TMEM132D: variants seen among roughly 807,000 people sequenced by gnomAD.
TMEM132D encodes transmembrane protein 132D.
TMEM132D carries 21 observed loss-of-function variants against 62.3 expected under a neutral mutation model. The observed-to-expected ratio is 0.34, with a 90% CI of 0.24 to 0.49. The LOEUF (loss-of-function observed/expected upper bound fraction) is 0.49. Ranked by LOEUF, TMEM132D falls within the 20% of genes least tolerant of loss-of-function variation. The probability of loss-of-function intolerance (pLI) is 0.99; values close to 1 mark genes in which losing one functional copy is unlikely to be tolerated. For synonymous variants in TMEM132D, 621 were observed against 575.6 expected (o/e 1.08, Z -1.13); for missense variants, 1,346 against 1,402.8 (o/e 0.96, Z 0.65).
At chr12:129,401,539 A>G (rs1400136299) in intron 3 of TMEM132D, among the ~76,000 whole-genome samples, 1 of 152,154 alleles carries the variant, frequency 6.6e-6, no homozygotes, top group Non-Finnish European at 1.5e-5. Context: ...ACTGCACTCC[A>G]GCCTGGGTGA....
chr12:129,332,737 C>T (rs79332279), intron 4 of TMEM132D, among the ~76,000 whole-genome samples: 574 of 152,144 alleles, frequency 3.8e-3, no homozygotes, highest in South Asian at 0.023. Flanking sequence ...TCTGTGCAAG[C>T]CAAAAAAGTC....
At chr12:129,777,212 T>C (rs1380286772) in intron 1 of TMEM132D, among the ~76,000 whole-genome samples, 1 of 152,036 alleles carries the variant, frequency 6.6e-6, no homozygotes, top group African/African-American at 2.4e-5. Flanking sequence ...ACCACAAAGG[T>C]GAAAAGCGAG....
intron 1 of TMEM132D, among the ~76,000 whole-genome samples, chr12:129,845,028 T>C (rs1369500791): frequency 6.6e-6 from 1 of 152,192 alleles, no homozygotes. Context: ...CGGAGCCAGC[T>C]GGTAAAATAA....
At chr12:129,544,932 C>T (rs1246566523) in intron 2 of TMEM132D, among the ~76,000 whole-genome samples, 2 of 152,186 alleles carry the variant, frequency 1.3e-5, no homozygotes, top group Non-Finnish European at 1.5e-5. Context: ...ACCGCACCAG[C>T]GACCTCAGGA....
chr12:129,408,893 A>C (rs1287930519), intron 3 of TMEM132D, among the ~76,000 whole-genome samples: 1 of 151,930 alleles, frequency 6.6e-6, no homozygotes, highest in Non-Finnish European at 1.5e-5. Flanking sequence ...GACACATACA[A>C]AGAGAGAAGT....
chr12:129,770,140 G>GTTTTTTTTTTTTTTT (rs375230592), intron 1 of TMEM132D, among the ~76,000 whole-genome samples: 4 of 104,306 alleles, frequency 3.8e-5, no homozygotes, highest in African/African-American at 1.1e-4. Context: ...GGTTTTTTTG[G>GTTTTTTTTTTTTTTT]TTGTTTTTTT....
At position 129,903,379 on chromosome 12, in the gene TMEM132D, C is replaced by T. The variant is rs775067425; in HGVS notation, c.-40G>A. The T allele has an allele frequency of 1.9e-6, 3 of 1,545,722 alleles. No individual in the cohort carries two copies. The highest frequency in any genetic ancestry group is 8.8e-7 in the Non-Finnish European group (1 of 1,142,108). On this transcript the variant is annotated 5_prime_UTR_variant, in exon 1 of 9. Transcript: ENST00000422113. The surrounding 1 kb of genome is among the most constrained non-coding windows in gnomAD (Gnocchi z 6.2). The stretch of plus-strand genomic sequence containing the variant: ...GCGCAGATCCTCCGCTCCCCGGCGC[C>T]GTCCAGGCGAACAAGAGACCGTCTC...
At chr12:129,333,068 G>C (rs1472162591) in intron 4 of TMEM132D, among the ~76,000 whole-genome samples, 5 of 152,148 alleles carry the variant, frequency 3.3e-5, no homozygotes, top group Non-Finnish European at 7.4e-5. Flanking sequence ...AGAATAAATT[G>C]AATTCCCAAG....
At chr12:129,092,118 G>A (rs1275924483) in intron 5 of TMEM132D, among the ~76,000 whole-genome samples, 1 of 152,150 alleles carries the variant, frequency 6.6e-6, no homozygotes, top group Non-Finnish European at 1.5e-5. Context: ...TCCATTTCCA[G>A]CCAGTCACAC....
At chr12:129,296,031 T>G (rs1390896198) in intron 4 of TMEM132D, among the ~76,000 whole-genome samples, 1 of 151,862 alleles carries the variant, frequency 6.6e-6, no homozygotes, top group Admixed American at 6.6e-5. Context: ...TACATATATA[T>G]GAACATGCAC....
chr12:129,213,900 T>G (rs1159313923), intron 4 of TMEM132D, among the ~76,000 whole-genome samples: 1 of 152,210 alleles, frequency 6.6e-6, no homozygotes, highest in South Asian at 2.1e-4. Context: ...TGTAAATGTG[T>G]ATGTATCTCA....
rs1218198101 is a variant in TMEM132D, at chr12:129,277,405, TATTAA to T, written c.1299+60224_1299+60228del. 6.6e-6 allele frequency among the ~76,000 whole-genome samples: 1 copy of T among 152,214 alleles called. No individual in the cohort carries two copies. The highest frequency in any genetic ancestry group is 1.5e-5 in the Non-Finnish European group (1 of 68,040). ...CTCTTACTGCCACAAAGAATTTCAA[TATTAA>T]ATTTGTCGAGGAAAGAAAAGGATAC... is the stretch of plus-strand genomic sequence containing the variant. On this transcript the variant is annotated intron_variant, in intron 4 of 8. Transcript: ENST00000422113. The surrounding 1 kb of genome is among the most constrained non-coding windows in gnomAD (Gnocchi z 4.2).
intron 2 of TMEM132D, among the ~76,000 whole-genome samples, chr12:129,560,647 G>A (rs965157324): frequency 2.6e-5 from 4 of 152,164 alleles, no homozygotes; most frequent in African/African-American, 9.7e-5. Flanking sequence ...TAACACCCAG[G>A]TAGGAATAAA....
At chr12:129,395,706 T>A (rs145537002) in intron 3 of TMEM132D, among the ~76,000 whole-genome samples, 568 of 100,318 alleles carry the variant, frequency 5.7e-3, no homozygotes, top group Non-Finnish European at 9.8e-3. Context: ...TAGATATATC[T>A]GTATATCTAC....
intron 1 of TMEM132D, among the ~76,000 whole-genome samples, chr12:129,899,560 G>A (rs894649671): frequency 6.6e-6 from 1 of 152,076 alleles, no homozygotes; most frequent in Non-Finnish European, 1.5e-5. Flanking sequence ...ATACATGGGT[G>A]GAAAGACGGA....
At chr12:129,282,844 A>C (rs1881192976) in intron 4 of TMEM132D, among the ~76,000 whole-genome samples, 1 of 152,048 alleles carries the variant, frequency 6.6e-6, no homozygotes, top group Admixed American at 6.5e-5. Flanking sequence ...AAAGAATCTC[A>C]ACTATGATTG....
intron 2 of TMEM132D, among the ~76,000 whole-genome samples, chr12:129,543,792 T>C (rs893305761): frequency 6.6e-6 from 1 of 152,190 alleles, no homozygotes; most frequent in Non-Finnish European, 1.5e-5. Context: ...TGGGAATGTA[T>C]CGATGTAAAG....
At chr12:129,814,576 A>G (rs1872287118) in intron 1 of TMEM132D, among the ~76,000 whole-genome samples, 1 of 133,980 alleles carries the variant, frequency 7.5e-6, no homozygotes, top group Admixed American at 9.1e-5. Flanking sequence ...ACGCCACTGC[A>G]CTCCAGCCTG....
intron 1 of TMEM132D, among the ~76,000 whole-genome samples, chr12:129,871,946 G>A (rs1015165628): frequency 2.0e-5 from 3 of 152,218 alleles, no homozygotes; most frequent in African/African-American, 7.2e-5. Flanking sequence ...GGAAAGGGAT[G>A]GAACAGACAA....
Sources: gnomAD v4.1 joint callset for allele counts (sites outside exome capture counted in the v4.1 genomes callset) on GRCh38, gnomAD v4.1.1 for gene constraint, Gnocchi (gnomAD v3.1) non-coding constraint, MANE v1.5 for transcripts, NCBI Gene and HGNC (gene_info 2026-07-23, HGNC 2026-07-21) for gene names.